The following TSHZ2 variants were observed in gnomAD, a reference collection of about 807,000 sequenced individuals.
TSHZ2 encodes teashirt homolog 2.
In TSHZ2, 21 loss-of-function variants were observed where a neutral mutation model predicts 74.4. That is an observed-to-expected ratio of 0.28 (90% CI 0.20 to 0.41). TSHZ2 has a LOEUF of 0.41. Ranked by LOEUF, TSHZ2 falls within the 10% of genes least tolerant of loss-of-function variation. TSHZ2 has a pLI of 1.00. For missense variants in TSHZ2, 1,244 were observed against 1,293.5 expected (o/e 0.96, Z 0.59); for synonymous variants, 540 against 515.3 (o/e 1.05, Z -0.65).
At chr20:53,227,492 A>G (rs935588018) in intron 1 of TSHZ2, among the ~76,000 whole-genome samples, 4 of 152,008 alleles carry the variant, frequency 2.6e-5, no homozygotes, top group African/African-American at 9.7e-5. Flanking sequence ...ACACACACAC[A>G]CACACACAGA....
chr20:52,973,617 T>C (rs904330345), intron 1 of TSHZ2, among the ~76,000 whole-genome samples: 1 of 152,210 alleles, frequency 6.6e-6, no homozygotes, highest in Admixed American at 6.5e-5. Flanking sequence ...AGTCTGTTTC[T>C]TGCCTCTCGG....
chr20:53,180,141 GACAAA>G lies in TSHZ2; in HGVS notation c.41-73356_41-73352del, dbSNP rs551257997. 5.3e-3 allele frequency among the ~76,000 whole-genome samples: 809 copies of G among 152,186 alleles called. 1 individual carries two copies. The highest frequency in any genetic ancestry group is 0.014 in the Middle Eastern group (4 of 294). On this transcript the variant is annotated intron_variant, in intron 1 of 2. Coordinates refer to ENST00000371497, the MANE Select transcript of TSHZ2 (RefSeq NM_173485.6). Reference sequence around the variant, plus strand: ...ACTTCAGTAGCTTCAGAGATTCTGTGACAAAAGAAAGAGATTGGGAGAAAGGGAGG... The same window carrying G: ...ACTTCAGTAGCTTCAGAGATTCTGTGAGAAAGAGATTGGGAGAAAGGGAGG...
At chr20:53,161,916 T>G (rs1447744529) in intron 1 of TSHZ2, among the ~76,000 whole-genome samples, 1 of 152,222 alleles carries the variant, frequency 6.6e-6, no homozygotes, top group Admixed American at 6.5e-5. Context: ...TAGGTCCTTT[T>G]CCTTTAATCT....
chr20:53,047,422 T>C (rs779352771), intron 1 of TSHZ2, among the ~76,000 whole-genome samples: 6 of 152,120 alleles, frequency 3.9e-5, no homozygotes, highest in Admixed American at 3.3e-4. Flanking sequence ...GATTCTACCA[T>C]TATATGCACA....
chr20:53,342,834 A>T (rs952399947), intron 2 of TSHZ2, among the ~76,000 whole-genome samples: 10 of 151,902 alleles, frequency 6.6e-5, no homozygotes, highest in Non-Finnish European at 1.5e-4. Context: ...GAACATCTAC[A>T]GCAGGGTTTC....
At chr20:53,115,561 C>G (rs1040526764) in intron 1 of TSHZ2, among the ~76,000 whole-genome samples, 7 of 152,158 alleles carry the variant, frequency 4.6e-5, no homozygotes, top group Non-Finnish European at 7.4e-5. Context: ...ATTACCCAGT[C>G]TCAAGTATGT....
intron 2 of TSHZ2, among the ~76,000 whole-genome samples, chr20:53,380,139 AGTGTGTGT>A (rs3222593): frequency 1.3e-5 from 2 of 149,422 alleles, no homozygotes; most frequent in African/African-American, 2.5e-5. Context: ...ATGGTTGGAG[AGTGTGTGT>A]GTGTGTGTGT....
rs1988057945 is a variant in TSHZ2, at chr20:53,166,214, CA to C, written c.41-87283del. On this transcript the variant is annotated intron_variant, in intron 1 of 2. Coordinates refer to ENST00000371497, the MANE Select transcript of TSHZ2 (RefSeq NM_173485.6). ...TTCTCAGGAGGTATTGGGGCAGTTT[CA>C]ACATATTCTATTAATCAAGTTAGTT... is the stretch of plus-strand genomic sequence containing the variant. Among the ~76,000 whole-genome samples the C allele has an allele frequency of 5.3e-5, 8 of 152,272 alleles. No individual in the cohort carries two copies. In the South Asian group the frequency reaches 1.7e-3, roughly 32 times the overall value.
At chr20:53,246,044 T>C (rs935601976) in intron 1 of TSHZ2, among the ~76,000 whole-genome samples, 9 of 149,628 alleles carry the variant, frequency 6.0e-5, no homozygotes, top group African/African-American at 1.2e-4. Context: ...TTCTTTCTTT[T>C]TTTTTTTTTG....
intron 2 of TSHZ2, among the ~76,000 whole-genome samples, chr20:53,402,705 G>C (rs1314151747): frequency 6.6e-6 from 1 of 152,202 alleles, no homozygotes; most frequent in Non-Finnish European, 1.5e-5. Context: ...TGAGTGGAGG[G>C]AGGTGGAGGA....
intron 1 of TSHZ2, among the ~76,000 whole-genome samples, chr20:53,017,368 G>T (rs986669506): frequency 2.0e-5 from 3 of 152,114 alleles, no homozygotes; most frequent in African/African-American, 7.2e-5. Context: ...TCTCCCTGAG[G>T]ATCTCTCAAA....
intron 1 of TSHZ2, among the ~76,000 whole-genome samples, chr20:53,182,209 C>CACTCCCTCCTTCCCTCTTG (rs1332943229): frequency 1.1e-4 from 14 of 123,402 alleles, no homozygotes; most frequent in Admixed American, 7.2e-4. Flanking sequence ...TTCTCTTCCT[C>CACTCCCTCCTTCCCTCTTG]ACTCCCTCCT....
intron 1 of TSHZ2, among the ~76,000 whole-genome samples, chr20:53,237,504 AGTGTGTGT>A (rs59294548): frequency 1.3e-5 from 2 of 149,602 alleles, no homozygotes; most frequent in African/African-American, 2.5e-5. Context: ...TCTCTGTGTG[AGTGTGTGT>A]GTGTGTGTGT....
At chr20:53,133,720 A>G (rs1987167241) in intron 1 of TSHZ2, among the ~76,000 whole-genome samples, 1 of 152,234 alleles carries the variant, frequency 6.6e-6, no homozygotes, top group Non-Finnish European at 1.5e-5. Context: ...ATTGCCAAAT[A>G]TAGTATTGGG....
chr20:53,417,720 G>A (rs1239082308), intron 2 of TSHZ2, among the ~76,000 whole-genome samples: 3 of 152,060 alleles, frequency 2.0e-5, no homozygotes, highest in Non-Finnish European at 4.4e-5. Flanking sequence ...ATTCCTGCTT[G>A]CTGCATTTGC....
At chr20:53,184,933 TC>T (rs919549311) in intron 1 of TSHZ2, among the ~76,000 whole-genome samples, 1 of 152,188 alleles carries the variant, frequency 6.6e-6, no homozygotes, top group Non-Finnish European at 1.5e-5. Flanking sequence ...GCTCTCAAAC[TC>T]CTGGCCTCAA....
intron 1 of TSHZ2, among the ~76,000 whole-genome samples, chr20:53,171,686 TATATA>T (rs1988205445): frequency 6.6e-6 from 1 of 152,164 alleles, no homozygotes; most frequent in Non-Finnish European, 1.5e-5. Flanking sequence ...ATATGTTTAA[TATATA>T]ATAAAAATAA....
intron 2 of TSHZ2, among the ~76,000 whole-genome samples, chr20:53,379,091 C>T (rs534191000): frequency 1.3e-5 from 2 of 152,252 alleles, no homozygotes; most frequent in African/African-American, 4.8e-5. Context: ...ACATAAAAGG[C>T]CCACAGTAAG....
chr20:53,250,021 T>A (rs779116264), intron 1 of TSHZ2, among the ~76,000 whole-genome samples: 3 of 152,136 alleles, frequency 2.0e-5, no homozygotes, highest in Non-Finnish European at 4.4e-5. Flanking sequence ...CTTGAGTCAG[T>A]AGTTCAGTCA....
Sources: allele counts gnomAD v4.1 joint callset (sites outside exome capture counted in the v4.1 genomes callset), GRCh38; gene constraint gnomAD v4.1.1; transcripts MANE v1.5; gene names NCBI Gene and HGNC (gene_info 2026-07-23, HGNC 2026-07-21).